The following SLIT2 variants were observed in gnomAD, a reference collection of about 807,000 sequenced individuals.
SLIT2 encodes the protein slit homolog 2 protein.
SLIT2 carries 41 observed loss-of-function variants against 185.7 expected under a neutral mutation model. That is an observed-to-expected ratio of 0.22 (90% confidence interval 0.17 to 0.29). SLIT2 has a LOEUF of 0.29. SLIT2 is among the 10% of genes least tolerant of loss of function. The pLI, the probability that SLIT2 is intolerant of heterozygous loss-of-function variation, is 1.00. For missense variants in SLIT2, 1,571 were observed against 1,909.0 expected, an observed-to-expected ratio of 0.82 and a Z score of 3.30; for synonymous variants, 693 against 680.2, an observed-to-expected ratio of 1.02 and a Z score of -0.29.
rs374902044 is a variant in SLIT2, at chr4:20,291,539, G to A, written c.395+22658G>A. Among the ~76,000 whole-genome samples, 5 of 115,962 alleles carry A rather than the reference G, an allele frequency of 4.3e-5. No individual in the cohort carries two copies. In the South Asian group the frequency reaches 1.1e-3, roughly 26 times the overall value. 76.1% of individuals were successfully genotyped at this position (115,962 alleles called of 152,430 possible). A position where few individuals can be genotyped will look rare whatever the true frequency, so the allele number is the denominator to read the frequency against. On this transcript the variant is annotated intron_variant, in intron 4 of 36. Coordinates refer to ENST00000504154, the MANE Select transcript of SLIT2 (RefSeq NM_004787.4). ...TTTTTTTTTTACAGCAATGCTATGT[G>A]TAATTGCATGGTCCTAAATGTAGGA... is the stretch of plus-strand genomic sequence containing the variant.
chr4:20,291,268 G>A (rs78895574), intron 4 of SLIT2, among the ~76,000 whole-genome samples: 2,005 of 151,618 alleles, frequency 0.013, 46 homozygotes, highest in African/African-American at 0.046. Flanking sequence ...AATTCAGTGC[G>A]TTCAGTGTGG....
At chr4:20,541,192 T>A (rs1577889689) in intron 19 of SLIT2, among the ~76,000 whole-genome samples, 1 of 152,336 alleles carries the variant, frequency 6.6e-6, no homozygotes, top group African/African-American at 2.4e-5. Flanking sequence ...CTACCTTACC[T>A]TATTTTTTGC....
intron 9 of SLIT2, among the ~76,000 whole-genome samples, chr4:20,509,528 C>G (rs1009066363): frequency 6.6e-6 from 1 of 152,144 alleles, no homozygotes; most frequent in Non-Finnish European, 1.5e-5. Context: ...GTGTCTGTCA[C>G]TGGCAAATCT....
chr4:20,397,423 G>T (rs533656586), intron 4 of SLIT2, among the ~76,000 whole-genome samples: 1 of 151,918 alleles, frequency 6.6e-6, no homozygotes, highest in Admixed American at 6.6e-5. Flanking sequence ...AAATGATTTA[G>T]TAGTTCACTG....
chr4:20,364,613 C>T (rs1302717894), intron 4 of SLIT2, among the ~76,000 whole-genome samples: 1 of 151,998 alleles, frequency 6.6e-6, no homozygotes, highest in Non-Finnish European at 1.5e-5. Flanking sequence ...TTTTCCTGCT[C>T]TGAAGGTTAT....
chr4:20,451,462 G>C (rs1233310034), intron 4 of SLIT2, among the ~76,000 whole-genome samples: 1 of 152,096 alleles, frequency 6.6e-6, no homozygotes, highest in African/African-American at 2.4e-5. Context: ...ATTCTTTTAA[G>C]ATATAAAAAA....
At chr4:20,598,885 C>T (rs998450873) in intron 33 of SLIT2, among the ~76,000 whole-genome samples, 88 of 152,126 alleles carry the variant, frequency 5.8e-4, no homozygotes, top group African/African-American at 2.0e-3. Context: ...CACTGCATGC[C>T]GGGAAAGAAG....
chr4:20,455,497 C>T (rs1712966539), intron 4 of SLIT2, among the ~76,000 whole-genome samples: 2 of 152,084 alleles, frequency 1.3e-5, no homozygotes, highest in African/African-American at 4.8e-5. Flanking sequence ...TAGTCCCCAA[C>T]AGAGATAGAT....
At position 20,253,819 on chromosome 4, in the gene SLIT2, C is replaced by G. The variant is rs200224686; in HGVS notation, c.4C>G (p.Arg2Gly). Residue 2 changes from arginine to glycine, a missense_variant, in exon 1 of 37, where the codon CGC becomes GGC. Physicochemically the swap from Arg to Gly is moderately radical, Grantham distance 125. Transcript: ENST00000504154. ...AGGAAGGAGGCGGCGGGGAAAGATG[C>G]GCGGCGTTGGCTGGCAGATGCTGTC... M[R>G]GVGWQMLSLS... The G allele has an allele frequency of 1.9e-6, 3 of 1,598,440 alleles. No individual in the cohort carries two copies. Among genetic ancestry groups the G allele is most frequent in the East Asian group, 4.5e-5 (2 of 44,812 alleles).
rs139038732 is a variant in SLIT2 at position 20,389,375 on chromosome 4, G to T, written c.396-78377G>T. Among the ~76,000 whole-genome samples, 141 of 152,076 alleles carry T rather than the reference G, an allele frequency of 9.3e-4. 1 individual carries two copies. Among genetic ancestry groups the T allele is most frequent in the African/African-American group, 3.2e-3 (131 of 41,500 alleles). Reference sequence around the variant, plus strand: ...ACTTGCAGATATCCAGGAATTCCCAGACTCCACTTTGAGGACTGCTACGCC... The same window carrying T: ...ACTTGCAGATATCCAGGAATTCCCATACTCCACTTTGAGGACTGCTACGCC... On this transcript the variant is annotated intron_variant, in intron 4 of 36. Coordinates refer to ENST00000504154, the MANE Select transcript of SLIT2 (RefSeq NM_004787.4).
chr4:20,366,583 AT>A (rs1723133996), intron 4 of SLIT2, among the ~76,000 whole-genome samples: 1 of 152,044 alleles, frequency 6.6e-6, no homozygotes, highest in Non-Finnish European at 1.5e-5. Flanking sequence ...ATAAGTACTT[AT>A]CCCAGATCTC....
At chr4:20,321,853 G>T (rs60044461) in intron 4 of SLIT2, among the ~76,000 whole-genome samples, 57,203 of 151,782 alleles carry the variant, frequency 0.38, 11,014 homozygotes, top group East Asian at 0.52. Flanking sequence ...TTTATCAGTG[G>T]CTTGATCCAT....
At chr4:20,514,778 A>T (rs1045955279) in intron 11 of SLIT2, among the ~76,000 whole-genome samples, 1 of 151,244 alleles carries the variant, frequency 6.6e-6, no homozygotes, top group African/African-American at 2.4e-5. Flanking sequence ...TTTTATTAAC[A>T]TTATCATTTA....
In SLIT2 at chr4:20,528,464, A is replaced by G; in HGVS notation, c.1463-485A>G. On this transcript the variant is annotated intron_variant, in intron 15 of 36. Coordinates refer to ENST00000504154, the MANE Select transcript of SLIT2 (RefSeq NM_004787.4). The surrounding 1 kb of genome is among the most constrained non-coding windows in gnomAD (Gnocchi z 4.2). ...TCAAAATGAAAAAAGAGGGCTTTTT[A>G]GGCATCTCCGAGATTATGTGAGAGG... 2.3e-6 allele frequency: 1 copy of G among 441,734 alleles called. No individual in the cohort carries two copies. The highest frequency in any genetic ancestry group is 2.7e-5 in the Admixed American group (1 of 37,016). The allele number at this position is 441,734 out of a possible 1,614,324, so 27.4% of individuals were successfully genotyped here. A position where few individuals can be genotyped will look rare whatever the true frequency, so the allele number is the denominator to read the frequency against.
chr4:20,364,733 T>G (rs1317032508), intron 4 of SLIT2, among the ~76,000 whole-genome samples: 1 of 152,172 alleles, frequency 6.6e-6, no homozygotes, highest in East Asian at 1.9e-4. Flanking sequence ...AATTACAGGC[T>G]TTGAATTTTA....
At chr4:20,472,386 G>A (rs1004930423) in intron 5 of SLIT2, among the ~76,000 whole-genome samples, 1,361 of 38,252 alleles carry the variant, frequency 0.036, 145 homozygotes, top group African/African-American at 0.11. Context: ...CTATATATAT[G>A]TAGATATATA....
intron 7 of SLIT2, 61 bp from the exon 8 acceptor site, chr4:20,488,758 T>A: frequency 8.4e-7 from 1 of 1,195,584 alleles, no homozygotes. Context: ...AATACAGGTA[T>A]ATATTAATGA....
chr4:20,373,218 A>G (rs964698331), intron 4 of SLIT2, among the ~76,000 whole-genome samples: 4 of 152,066 alleles, frequency 2.6e-5, no homozygotes, highest in African/African-American at 4.8e-5. Flanking sequence ...TTCTGCCGCT[A>G]TTATCATACT....
chr4:20,462,258 A>C (rs1284216796), intron 4 of SLIT2, among the ~76,000 whole-genome samples: 1 of 152,194 alleles, frequency 6.6e-6, no homozygotes, highest in Non-Finnish European at 1.5e-5. Flanking sequence ...TGATCTTAAA[A>C]AATGAATAAA....
Sources: allele counts gnomAD v4.1 joint callset (sites outside exome capture counted in the v4.1 genomes callset), GRCh38; gene constraint gnomAD v4.1.1; non-coding constraint Gnocchi (gnomAD v3.1); transcripts MANE v1.5; gene names NCBI Gene and HGNC (gene_info 2026-07-23, HGNC 2026-07-21).